Variants in VPS50 observed in about 807,000 individuals in gnomAD.
VPS50 encodes the protein VPS50 subunit of EARP/GARPII complex.
In VPS50, 70 loss-of-function variants were observed where a neutral mutation model predicts 139.7. The ratio of observed to expected loss-of-function variants is 0.50; its 90% CI spans 0.41 to 0.61. The LOEUF is 0.61. VPS50 is among the 20% of genes least tolerant of loss of function. The pLI, the probability that VPS50 is intolerant of heterozygous loss-of-function variation, is 0.00. For missense variants in VPS50, 921 were observed against 1,133.7 expected, an observed-to-expected ratio of 0.81 and a Z score of 2.69; for synonymous variants, 365 against 376.7, an observed-to-expected ratio of 0.97 and a Z score of 0.36.
chr7:93,353,793 T>C (rs1193887205), intron 26 of VPS50, 32 bp downstream of exon 26: 2 of 1,537,804 alleles, frequency 1.3e-6, no homozygotes, highest in East Asian at 4.5e-5. Context: ...TATTTGTTTC[T>C]TTAATGACAA....
At chr7:93,288,972 A>T (rs562377660) in intron 12 of VPS50, among the ~76,000 whole-genome samples, 1 of 147,862 alleles carries the variant, frequency 6.8e-6, no homozygotes, top group Non-Finnish European at 1.5e-5. Context: ...CAAACAGTAC[A>T]TTTTTTTTTT....
intron 9 of VPS50, among the ~76,000 whole-genome samples, chr7:93,264,053 A>G (rs1795767491): frequency 6.6e-6 from 1 of 152,210 alleles, no homozygotes; most frequent in Non-Finnish European, 1.5e-5. Flanking sequence ...GAACTTGAGT[A>G]TCCGTGGATT....
intron 21 of VPS50, among the ~76,000 whole-genome samples, chr7:93,328,889 G>T (rs1797858551): frequency 6.6e-6 from 1 of 152,068 alleles, no homozygotes; most frequent in African/African-American, 2.4e-5. Flanking sequence ...CATGATCCAT[G>T]ATTATATGGA....
rs575337900 is a variant in VPS50 at position 93,241,144 on chromosome 7, G to T, written c.102+1210G>T. ...TTGTATTACATATTGCAGAATCAAT[G>T]TCAAATTGATGAGTGAGCCTCTTTA... On this transcript the variant is annotated intron_variant, in intron 2 of 27. Transcript: ENST00000305866. Among the ~76,000 whole-genome samples, 62 of 152,212 alleles carry T rather than the reference G, an allele frequency of 4.1e-4. No homozygotes were observed. In the South Asian group the frequency reaches 0.012, roughly 31 times the overall value.
chr7:93,241,006 A>T (rs1794972170), intron 2 of VPS50, among the ~76,000 whole-genome samples: 1 of 152,166 alleles, frequency 6.6e-6, no homozygotes, highest in Admixed American at 6.6e-5. Flanking sequence ...TGACTATGAA[A>T]AGGTTGGGAA....
At chr7:93,329,610 T>G (rs888687888) in intron 21 of VPS50, among the ~76,000 whole-genome samples, 2 of 151,890 alleles carry the variant, frequency 1.3e-5, no homozygotes. Flanking sequence ...CATAAAGAAA[T>G]GTACAGCAGA....
intron 8 of VPS50, among the ~76,000 whole-genome samples, chr7:93,259,205 G>A (rs188291320): frequency 1.7e-3 from 251 of 151,836 alleles, no homozygotes; most frequent in Middle Eastern, 3.4e-3. Flanking sequence ...AACATTTTAT[G>A]TAGGCAGTAC....
At chr7:93,256,687 G>A (rs1198392935) in intron 5 of VPS50, 125 bp downstream of exon 5, 2 of 572,684 alleles carry the variant, frequency 3.5e-6, no homozygotes, top group Non-Finnish European at 3.0e-6. Flanking sequence ...CTGTTTTTGG[G>A]TGTGTTTGTG....
In VPS50 at chr7:93,358,407, A is replaced by G. The variant is rs763730130; in HGVS notation, c.2866A>G (p.Ile956Val). 3.1e-6 allele frequency: 5 copies of G among 1,611,256 alleles called. No individual in the cohort carries two copies. Among genetic ancestry groups the G allele is most frequent in the African/African-American group, 1.3e-5 (1 of 74,820 alleles). Residue 956 changes from isoleucine (I) to valine (V), a missense_variant, in exon 28 of 28, where the codon ATA becomes GTA. Coordinates refer to ENST00000305866, the MANE Select transcript of VPS50 (RefSeq NM_017667.4). ...AGCAAGACAAAAACTTCTAGCAGCT[A>G]TAGATGATATAGACAGACCTAAAAG... Reference protein sequence around the residue: ...KKARQKLLAAIDDIDRPKR With the variant: ...KKARQKLLAAVDDIDRPKR
chr7:93,288,598 A>G (rs781161288), intron 12 of VPS50, among the ~76,000 whole-genome samples: 1 of 152,170 alleles, frequency 6.6e-6, no homozygotes, highest in African/African-American at 2.4e-5. Context: ...TCAGCAATGT[A>G]TGAGAGTGCC....
chr7:93,311,100 T>TCTGA, intron 19 of VPS50, 66 bp from the exon 20 acceptor site: 1 of 787,556 alleles, frequency 1.3e-6, no homozygotes, highest in Non-Finnish European at 2.3e-6. Flanking sequence ...TAGGGACCTA[T>TCTGA]CTGACTAACT....
intron 15 of VPS50, 152 bp downstream of exon 15, chr7:93,296,988 T>C: frequency 6.9e-7 from 1 of 1,439,332 alleles, no homozygotes; most frequent in Non-Finnish European, 9.1e-7. Context: ...TTCTGCCCTT[T>C]GGGTGTTTGT....
At chr7:93,307,804 G>C (rs1345260278) in intron 18 of VPS50, among the ~76,000 whole-genome samples, 1 of 151,870 alleles carries the variant, frequency 6.6e-6, no homozygotes, top group East Asian at 1.9e-4. Context: ...TGTGTGATCT[G>C]ATCTTTCCAG....
intron 16 of VPS50, among the ~76,000 whole-genome samples, chr7:93,299,698 C>T (rs950400790): frequency 6.6e-6 from 1 of 152,178 alleles, no homozygotes; most frequent in Middle Eastern, 3.4e-3. Flanking sequence ...GTTTGCATTC[C>T]ACTCTCTTTT....
chr7:93,246,756 C>G (rs1795168014), intron 2 of VPS50, among the ~76,000 whole-genome samples: 1 of 151,786 alleles, frequency 6.6e-6, no homozygotes, highest in Non-Finnish European at 1.5e-5. Context: ...TTAGTAGTCT[C>G]TCTTTTTTTC....
rs1029907397 is a variant in VPS50 at position 93,360,709 on chromosome 7, G to A, written c.*2273G>A. 2 of 151,912 alleles carry A rather than the reference G, an allele frequency of 1.3e-5. No homozygotes were observed. Among genetic ancestry groups the A allele is most frequent in the Non-Finnish European group, 2.9e-5 (2 of 67,946 alleles). 9.4% of individuals were successfully genotyped at this position (151,912 alleles called of 1,614,324 possible). A position where few individuals can be genotyped will look rare whatever the true frequency, so the allele number is the denominator to read the frequency against. On this transcript the variant is annotated 3_prime_UTR_variant, in exon 28 of 28. Transcript: ENST00000305866. The stretch of plus-strand genomic sequence containing the variant: ...TTTCCTTAACTTTGACATTTTCCAT[G>A]AAAGTTTCCTGTAGAATTTACCATG...
chr7:93,321,739 A>C (rs1029798169), intron 20 of VPS50, among the ~76,000 whole-genome samples: 1 of 152,226 alleles, frequency 6.6e-6, no homozygotes, highest in African/African-American at 2.4e-5. Context: ...TAGGTATATA[A>C]ACGATGGTTA....
At chr7:93,286,232 G>A (rs2116923436) in intron 12 of VPS50, among the ~76,000 whole-genome samples, 1 of 152,212 alleles carries the variant, frequency 6.6e-6, no homozygotes, top group African/African-American at 2.4e-5. Context: ...AGCTCTTGGG[G>A]ATGTCTTACT....
chr7:93,357,180 T>C (rs1798729430), intron 27 of VPS50, among the ~76,000 whole-genome samples: 1 of 152,130 alleles, frequency 6.6e-6, no homozygotes, highest in African/African-American at 2.4e-5. Flanking sequence ...ACTTCTGGGT[T>C]GGTACTGAGG....
Sources: gnomAD v4.1 joint callset for allele counts (sites outside exome capture counted in the v4.1 genomes callset) on GRCh38, gnomAD v4.1.1 for gene constraint, MANE v1.5 for transcripts, NCBI Gene and HGNC (gene_info 2026-07-23, HGNC 2026-07-21) for gene names.